Variants in CSGALNACT1 observed in about 807,000 individuals in gnomAD.
The protein encoded by CSGALNACT1 is chondroitin sulfate N-acetylgalactosaminyltransferase 1, also known as beta4GalNAcT-1.
A neutral mutation model predicts 51.0 loss-of-function variants in CSGALNACT1; 52 were observed. The ratio of observed to expected loss-of-function variants is 1.02; its 90% CI spans 0.82 to 1.29. CSGALNACT1 has a LOEUF of 1.29. CSGALNACT1 is among the 50% of genes most tolerant of loss of function. CSGALNACT1 has a pLI of 0.00. For synonymous variants in CSGALNACT1, 341 were observed against 254.4 expected (o/e 1.34, Z -3.24); for missense variants, 935 against 679.2 (o/e 1.38, Z -4.19).
chr8:19,639,044 C>T (rs566050325), intron 1 of CSGALNACT1, among the ~76,000 whole-genome samples: 8 of 152,184 alleles, frequency 5.3e-5, no homozygotes, highest in East Asian at 1.9e-4. Context: ...TCTTCTCTAA[C>T]GACTCCTCCC....
chr8:19,450,080 A>G (rs139516386), intron 5 of CSGALNACT1, among the ~76,000 whole-genome samples: 6,495 of 36,240 alleles, frequency 0.18, 355 homozygotes, highest in Non-Finnish European at 0.23. Context: ...GAGGGGGAGG[A>G]GGGGGAGGAG....
At chr8:19,545,024 T>C (rs1463580519) in intron 3 of CSGALNACT1, among the ~76,000 whole-genome samples, 1 of 152,036 alleles carries the variant, frequency 6.6e-6, no homozygotes, top group Non-Finnish European at 1.5e-5. Context: ...TTCCAATAAC[T>C]TAGCTCCAAA....
At chr8:19,525,313 C>T (rs570821837) in intron 3 of CSGALNACT1, among the ~76,000 whole-genome samples, 1 of 152,004 alleles carries the variant, frequency 6.6e-6, no homozygotes, top group African/African-American at 2.4e-5. Flanking sequence ...CACTAAAAAC[C>T]TGCAGAATGG....
At chr8:19,673,337 C>G (rs1033229710) in intron 1 of CSGALNACT1, among the ~76,000 whole-genome samples, 4 of 152,220 alleles carry the variant, frequency 2.6e-5, no homozygotes, top group African/African-American at 4.8e-5. Context: ...AAGGTGAAGA[C>G]TCTAGGAACA....
chr8:19,441,413 A>T (rs956283698), intron 5 of CSGALNACT1, among the ~76,000 whole-genome samples: 1 of 152,168 alleles, frequency 6.6e-6, no homozygotes, highest in East Asian at 1.9e-4. Context: ...GAAATAATGC[A>T]GCATATCTAC....
chr8:19,547,248 G>A (rs945658928), intron 3 of CSGALNACT1, among the ~76,000 whole-genome samples: 2 of 152,174 alleles, frequency 1.3e-5, no homozygotes, highest in Admixed American at 1.3e-4. Flanking sequence ...ACACAGCCAA[G>A]TAAGTGACAA....
At chr8:19,643,581 T>C (rs2056958985) in intron 1 of CSGALNACT1, among the ~76,000 whole-genome samples, 1 of 150,616 alleles carries the variant, frequency 6.6e-6, no homozygotes, top group African/African-American at 2.4e-5. Flanking sequence ...GAGGTTGCAG[T>C]AAGCCAAGAC....
intron 1 of CSGALNACT1, among the ~76,000 whole-genome samples, chr8:19,667,604 C>T (rs116967940): frequency 0.012 from 1,888 of 152,264 alleles, 14 homozygotes; most frequent in Non-Finnish European, 0.022. Context: ...CAAGTCAAGG[C>T]CCTTAATGCA....
intron 3 of CSGALNACT1, among the ~76,000 whole-genome samples, chr8:19,550,997 T>C (rs4922060): frequency 6.6e-6 from 1 of 152,120 alleles, no homozygotes; most frequent in East Asian, 1.9e-4. Flanking sequence ...TATTCTGACT[T>C]CCCAGCAATC....
At chr8:19,534,032 T>G (rs1384463137) in intron 3 of CSGALNACT1, among the ~76,000 whole-genome samples, 2 of 152,200 alleles carry the variant, frequency 1.3e-5, no homozygotes, top group Non-Finnish European at 2.9e-5. Context: ...TTTGGTCTTA[T>G]TTCCTTTCAA....
intron 1 of CSGALNACT1, among the ~76,000 whole-genome samples, chr8:19,743,764 T>C (rs1470033950): frequency 2.6e-5 from 4 of 152,248 alleles, no homozygotes; most frequent in Non-Finnish European, 5.9e-5. Context: ...ATAAAATTAA[T>C]GCCATCAAGT....
intron 1 of CSGALNACT1, among the ~76,000 whole-genome samples, chr8:19,677,558 A>G (rs1033206563): frequency 6.6e-6 from 1 of 152,208 alleles, no homozygotes; most frequent in African/African-American, 2.4e-5. Context: ...AGCACCCAAA[A>G]AGGGCAGGGC....
intron 1 of CSGALNACT1, among the ~76,000 whole-genome samples, chr8:19,749,037 G>A (rs113067173): frequency 0.03 from 4,538 of 151,678 alleles, 103 homozygotes; most frequent in Middle Eastern, 0.083. Flanking sequence ...GCATGACTCC[G>A]TCTCCCAGGC....
At chr8:19,750,312 C>T (rs2064950594) in intron 1 of CSGALNACT1, among the ~76,000 whole-genome samples, 1 of 152,116 alleles carries the variant, frequency 6.6e-6, no homozygotes, top group African/African-American at 2.4e-5. Context: ...CAGGTTTGTC[C>T]CAGCCTCTGG....
intron 4 of CSGALNACT1, among the ~76,000 whole-genome samples, chr8:19,464,038 C>T (rs1012599786): frequency 1.3e-5 from 2 of 152,236 alleles, no homozygotes; most frequent in African/African-American, 4.8e-5. Context: ...CCCGCCCCCA[C>T]TGACATGCGT....
chr8:19,700,511 G>A (rs576934438), intron 1 of CSGALNACT1, among the ~76,000 whole-genome samples: 8 of 152,144 alleles, frequency 5.3e-5, no homozygotes, highest in South Asian at 2.1e-4. Context: ...GAAAGGATAC[G>A]GACCGTATGA....
intron 1 of CSGALNACT1, among the ~76,000 whole-genome samples, chr8:19,709,029 C>T (rs1355336117): frequency 6.6e-6 from 1 of 152,164 alleles, no homozygotes; most frequent in Non-Finnish European, 1.5e-5. Flanking sequence ...TACCTTAAAG[C>T]TGACTATTAT....
chr8:19,666,983 GAAA>G (rs1564385355), intron 1 of CSGALNACT1, among the ~76,000 whole-genome samples: 1,994 of 18,782 alleles, frequency 0.11, 101 homozygotes, highest in Admixed American at 0.13. Flanking sequence ...AAGAAAGAAA[GAAA>G]GAAAGAAAGA....
intron 7 of CSGALNACT1, among the ~76,000 whole-genome samples, chr8:19,420,116 G>T (rs1043868583): frequency 1.3e-5 from 2 of 152,164 alleles, no homozygotes; most frequent in African/African-American, 4.8e-5. Context: ...GCAGAACTAT[G>T]AGTCCATTAA....
Sources: allele counts gnomAD v4.1 joint callset (sites outside exome capture counted in the v4.1 genomes callset), GRCh38; gene constraint gnomAD v4.1.1; transcripts MANE v1.5; gene names NCBI Gene and HGNC (gene_info 2026-07-23, HGNC 2026-07-21).